MACROD2: variants seen among roughly 807,000 people sequenced by gnomAD.
MACROD2 encodes the protein mono-ADP ribosylhydrolase 2.
MACROD2 carries 36 observed loss-of-function variants against 70.4 expected under a neutral mutation model. The ratio of observed to expected loss-of-function variants is 0.51; its 90% CI spans 0.39 to 0.68. The LOEUF is 0.68. MACROD2 is among the 30% of genes least tolerant of loss of function. The probability of loss-of-function intolerance (pLI) is 0.00; values close to 1 mark genes in which losing one functional copy is unlikely to be tolerated. For synonymous variants in MACROD2, 172 were observed against 178.8 expected (o/e 0.96, Z 0.30); for missense variants, 496 against 538.4 (o/e 0.92, Z 0.78).
chr20:15,439,665 G>A (rs1278841527), intron 7 of MACROD2, among the ~76,000 whole-genome samples: 2 of 152,180 alleles, frequency 1.3e-5, no homozygotes, highest in African/African-American at 4.8e-5. Flanking sequence ...GAGACAGGAT[G>A]AGAGCAGACA....
chr20:14,338,541 G>A (rs1332627326), intron 3 of MACROD2, among the ~76,000 whole-genome samples: 3 of 152,010 alleles, frequency 2.0e-5, no homozygotes, highest in East Asian at 1.9e-4. Flanking sequence ...CTTCTGCTAC[G>A]TGTTTATATT....
At chr20:14,559,519 C>T (rs971160597) in intron 4 of MACROD2, among the ~76,000 whole-genome samples, 2 of 151,580 alleles carry the variant, frequency 1.3e-5, no homozygotes, top group African/African-American at 2.4e-5. Context: ...TCCTATTACT[C>T]GATGCTTCAA....
intron 8 of MACROD2, among the ~76,000 whole-genome samples, chr20:15,766,751 G>A (rs572526387): frequency 3.3e-5 from 5 of 152,296 alleles, no homozygotes; most frequent in Admixed American, 3.3e-4. Flanking sequence ...TTGAGACCCA[G>A]TAATAGTTAC....
chr20:14,026,409 T>A (rs2053166604), intron 2 of MACROD2, among the ~76,000 whole-genome samples: 1 of 152,218 alleles, frequency 6.6e-6, no homozygotes, highest in Non-Finnish European at 1.5e-5. Context: ...TTATTTTGCC[T>A]GTTAATTGAT....
At chr20:15,101,534 CAA>C (rs6147300) in intron 5 of MACROD2, among the ~76,000 whole-genome samples, 1 of 88,908 alleles carries the variant, frequency 1.1e-5, no homozygotes, top group East Asian at 3.9e-4. Context: ...GGTGTTGGTT[CAA>C]AAAAAAAAAA....
chr20:15,183,572 G>A (rs1470976819), intron 5 of MACROD2, among the ~76,000 whole-genome samples: 2 of 151,848 alleles, frequency 1.3e-5, no homozygotes, highest in Non-Finnish European at 2.9e-5. Context: ...CTTTCCCCAT[G>A]CCCCATACCT....
chr20:14,743,676 T>C (rs1219405699), intron 5 of MACROD2, among the ~76,000 whole-genome samples: 1 of 147,682 alleles, frequency 6.8e-6, no homozygotes, highest in African/African-American at 2.4e-5. Context: ...ACAAGAGCAA[T>C]AGAAAATTAA....
At chr20:15,088,628 T>C (rs1275373469) in intron 5 of MACROD2, among the ~76,000 whole-genome samples, 4 of 151,690 alleles carry the variant, frequency 2.6e-5, no homozygotes, top group Admixed American at 6.6e-5. Context: ...ACATCACTTA[T>C]ACATTTACAT....
chr20:16,040,911 G>T (rs1314683892), intron 15 of MACROD2, among the ~76,000 whole-genome samples: 5 of 151,902 alleles, frequency 3.3e-5, no homozygotes, highest in Non-Finnish European at 7.4e-5. Flanking sequence ...ACTGTAGGTT[G>T]TTCTGAGGAA....
chr20:14,323,282 A>T (rs1256408644), intron 3 of MACROD2: 1 of 152,122 alleles, frequency 6.6e-6, no homozygotes, highest in Non-Finnish European at 1.5e-5. Flanking sequence ...ATTTGCTACA[A>T]CAGCTCACAA....
chr20:14,459,001 T>C (rs2084335668), intron 3 of MACROD2, among the ~76,000 whole-genome samples: 1 of 152,102 alleles, frequency 6.6e-6, no homozygotes, highest in East Asian at 1.9e-4. Flanking sequence ...ATTATACTTT[T>C]ATAATTATTC....
chr20:15,090,581 GGAA>G (rs769785748), intron 5 of MACROD2, among the ~76,000 whole-genome samples: 5 of 151,972 alleles, frequency 3.3e-5, no homozygotes, highest in Admixed American at 6.6e-5. Flanking sequence ...TCCCTCTGGG[GGAA>G]GAAGAAGAGA....
At chr20:15,889,482 CT>C (rs1375753758) in intron 10 of MACROD2, among the ~76,000 whole-genome samples, 1 of 152,114 alleles carries the variant, frequency 6.6e-6, no homozygotes, top group Non-Finnish European at 1.5e-5. Flanking sequence ...ATGTCCTTTA[CT>C]TTTTTGCTCC....
At chr20:15,939,706 G>A (rs1048275770) in intron 12 of MACROD2, among the ~76,000 whole-genome samples, 2 of 151,954 alleles carry the variant, frequency 1.3e-5, no homozygotes, top group Non-Finnish European at 2.9e-5. Flanking sequence ...TTCTAAGACT[G>A]TAACTGCCAT....
At chr20:14,659,686 G>C (rs571591803) in intron 4 of MACROD2, among the ~76,000 whole-genome samples, 1 of 152,236 alleles carries the variant, frequency 6.6e-6, no homozygotes, top group Non-Finnish European at 1.5e-5. Context: ...ATGCTGGGTG[G>C]CATGCCCACT....
chr20:14,821,345 A>C (rs1340197347), intron 5 of MACROD2, among the ~76,000 whole-genome samples: 6 of 152,024 alleles, frequency 3.9e-5, no homozygotes, highest in Admixed American at 3.9e-4. Context: ...TCTGTTGATG[A>C]CCTTCCTACG....
intron 13 of MACROD2, among the ~76,000 whole-genome samples, chr20:15,982,543 C>T (rs2066416764): frequency 6.6e-6 from 1 of 152,100 alleles, no homozygotes; most frequent in African/African-American, 2.4e-5. Context: ...GTGGGTGAAG[C>T]TGCTCCTATC....
chr20:14,844,390 G>C lies in MACROD2; in HGVS notation c.418+159431G>C, dbSNP rs561998405. Among the ~76,000 whole-genome samples the C allele has an allele frequency of 1.2e-3, 182 of 152,030 alleles. 2 individuals are homozygous for C. The highest frequency in any genetic ancestry group is 2.0e-3 in the Non-Finnish European group (137 of 67,930). On this transcript the variant is annotated intron_variant, in intron 5 of 17. Coordinates refer to ENST00000684519, the MANE Select transcript of MACROD2 (RefSeq NM_001351661.2). ...AAATTAGCCAGGCTTGGTGGCAGAT[G>C]CCTATAATCCCAGCTACTCGGGAGG...
chr20:14,990,807 C>T (rs1171072273), intron 5 of MACROD2, among the ~76,000 whole-genome samples: 3 of 152,066 alleles, frequency 2.0e-5, no homozygotes, highest in East Asian at 1.9e-4. Flanking sequence ...CCACCACGCC[C>T]GGCTGAGAAC....
Sources: gnomAD v4.1 joint callset for allele counts (sites outside exome capture counted in the v4.1 genomes callset) on GRCh38, gnomAD v4.1.1 for gene constraint, MANE v1.5 for transcripts, NCBI Gene and HGNC (gene_info 2026-07-23, HGNC 2026-07-21) for gene names.